The following YWHAQ variants were observed in gnomAD, a reference collection of about 807,000 sequenced individuals.
YWHAQ encodes the protein 14-3-3 protein theta.
Under a neutral mutation model 28.3 loss-of-function variants are expected in YWHAQ, and 6 were observed. The ratio of observed to expected loss-of-function variants is 0.21; its 90% CI spans 0.12 to 0.42. YWHAQ has a LOEUF of 0.42. Ranked by LOEUF, YWHAQ falls within the 10% of genes least tolerant of loss-of-function variation. YWHAQ has a pLI of 1.00. For synonymous variants in YWHAQ, 143 were observed against 119.1 expected (o/e 1.20, Z -1.31); for missense variants, 201 against 305.6 (o/e 0.66, Z 2.55).
intron 2 of YWHAQ, among the ~76,000 whole-genome samples, chr2:9,597,985 ATTTTTTTTT>A (rs547582835): frequency 0.012 from 738 of 62,502 alleles, 14 homozygotes; most frequent in African/African-American, 0.042. Context: ...ATGCCGGGCT[ATTTTTTTTT>A]TTTTTTTTTT....
chr2:9,629,235 G>T (rs1036146400), intron 2 of YWHAQ, among the ~76,000 whole-genome samples: 4 of 152,102 alleles, frequency 2.6e-5, no homozygotes, highest in African/African-American at 9.7e-5. Context: ...AACCATATGA[G>T]ATTATTTCCC....
chr2:9,593,147 A>G (rs564030011), intron 2 of YWHAQ, among the ~76,000 whole-genome samples: 36 of 152,284 alleles, frequency 2.4e-4, no homozygotes, highest in African/African-American at 8.2e-4. Flanking sequence ...CTGTTTATAA[A>G]TTTAAAAATA....
intron 2 of YWHAQ, among the ~76,000 whole-genome samples, chr2:9,616,789 C>T (rs1016308216): frequency 1.3e-5 from 2 of 152,132 alleles, no homozygotes; most frequent in Non-Finnish European, 2.9e-5. Flanking sequence ...ACAGCCACTT[C>T]GGAAAACAAT....
At position 9,593,898 on chromosome 2, in the gene YWHAQ, T is replaced by TAAAAAAA. The variant is rs151047530; in HGVS notation, c.295-2390_295-2384dup. ...AATTGAAAAAATATTTTAAATAGAT[T>TAAAAAAA]AAAAAAAATATATATATATATATAT... On this transcript the variant is annotated intron_variant, in intron 2 of 5. Transcript: ENST00000238081. Among the ~76,000 whole-genome samples the TAAAAAAA allele has an allele frequency of 4.9e-3, 589 of 121,372 alleles. 1 individual carries two copies. Among genetic ancestry groups the TAAAAAAA allele is most frequent in the Middle Eastern group, 0.017 (4 of 240 alleles). The allele number at this position is 121,372 out of a possible 152,430, so 79.6% of individuals were successfully genotyped here.
chr2:9,618,512 C>G (rs977544752), intron 2 of YWHAQ, among the ~76,000 whole-genome samples: 8 of 151,956 alleles, frequency 5.3e-5, no homozygotes, highest in African/African-American at 1.9e-4. Context: ...GTCTTTGTTT[C>G]ATTTTCTTTT....
intron 2 of YWHAQ, among the ~76,000 whole-genome samples, chr2:9,619,074 C>G (rs974314769): frequency 1.3e-5 from 2 of 152,070 alleles, no homozygotes; most frequent in African/African-American, 4.8e-5. Flanking sequence ...ACTCAACAGA[C>G]GTGGGGGCTA....
chr2:9,609,938 C>T (rs936899971), intron 2 of YWHAQ, among the ~76,000 whole-genome samples: 1 of 152,082 alleles, frequency 6.6e-6, no homozygotes, highest in Non-Finnish European at 1.5e-5. Context: ...TATTAACAGT[C>T]CAAAATAAGA....
At chr2:9,588,930 G>A (rs955421446) in intron 3 of YWHAQ, among the ~76,000 whole-genome samples, 67 of 152,010 alleles carry the variant, frequency 4.4e-4, no homozygotes, top group Admixed American at 3.9e-4. Flanking sequence ...GCAACACAGG[G>A]AGATCTTATC....
chr2:9,622,176 A>G (rs1273954819), intron 2 of YWHAQ, among the ~76,000 whole-genome samples: 5 of 150,638 alleles, frequency 3.3e-5, no homozygotes, highest in South Asian at 2.1e-4. Context: ...CCAGAACTTA[A>G]AGTATTAAAA....
At chr2:9,623,965 G>A (rs1165050202) in intron 2 of YWHAQ, among the ~76,000 whole-genome samples, 2 of 152,026 alleles carry the variant, frequency 1.3e-5, no homozygotes, top group Non-Finnish European at 2.9e-5. Flanking sequence ...TGAAGAAGTG[G>A]CACTTTGAAA....
intron 2 of YWHAQ, among the ~76,000 whole-genome samples, chr2:9,602,851 AAAAAAAAAAAAATATATATATATATAT>A (rs1454906014): frequency 1.6e-3 from 27 of 16,408 alleles, no homozygotes; most frequent in African/African-American, 5.6e-3. Context: ...AAAAAAAAAA[AAAAAAAAAAAAATATATATATATATAT>A]ATATATATAT....
intron 2 of YWHAQ, among the ~76,000 whole-genome samples, chr2:9,596,525 T>C (rs1666573601): frequency 6.6e-6 from 1 of 152,146 alleles, no homozygotes; most frequent in South Asian, 2.1e-4. Context: ...TTCTAAGAAG[T>C]TTCATTTTCC....
intron 2 of YWHAQ, among the ~76,000 whole-genome samples, chr2:9,594,977 C>T (rs1015196519): frequency 6.6e-6 from 1 of 152,154 alleles, no homozygotes; most frequent in Admixed American, 6.5e-5. Flanking sequence ...ATGAGCTAAC[C>T]TCTTCTTTCT....
intron 3 of YWHAQ, among the ~76,000 whole-genome samples, chr2:9,590,221 T>C (rs1462086679): frequency 6.6e-6 from 1 of 152,208 alleles, no homozygotes. Flanking sequence ...CAAATACTTC[T>C]CTTTGGCTTT....
chr2:9,597,889 G>A (rs1374741370), intron 2 of YWHAQ, among the ~76,000 whole-genome samples: 3 of 150,508 alleles, frequency 2.0e-5, no homozygotes, highest in Non-Finnish European at 4.4e-5. Context: ...GCATGATCTC[G>A]GCTCACCGCA....
At chr2:9,604,397 T>G (rs934413027) in intron 2 of YWHAQ, among the ~76,000 whole-genome samples, 2 of 152,182 alleles carry the variant, frequency 1.3e-5, no homozygotes, top group African/African-American at 4.8e-5. Context: ...TTTCACAGTA[T>G]TCACTATGAA....
chr2:9,626,481 G>C (rs1667248745), intron 2 of YWHAQ, among the ~76,000 whole-genome samples: 1 of 152,240 alleles, frequency 6.6e-6, no homozygotes, highest in African/African-American at 2.4e-5. Flanking sequence ...CCAGGCTGGA[G>C]TGCAGTGGCA....
rs1397521514 is a variant in YWHAQ at position 9,598,011 on chromosome 2, T to TTTTTTTTTTTTTG, written c.295-6497_295-6496insCAAAAAAAAAAAA. Among the ~76,000 whole-genome samples, 171 of 137,202 alleles carry TTTTTTTTTTTTTG rather than the reference T, an allele frequency of 1.2e-3. 4 individuals are homozygous for TTTTTTTTTTTTTG. The highest frequency in any genetic ancestry group is 2.0e-3 in the Non-Finnish European group (123 of 62,512). 90.0% of individuals were successfully genotyped at this position (137,202 alleles called of 152,430 possible). A position where few individuals can be genotyped will look rare whatever the true frequency, so the allele number is the denominator to read the frequency against. On this transcript the variant is annotated intron_variant, in intron 2 of 5. Coordinates refer to ENST00000238081, the MANE Select transcript of YWHAQ (RefSeq NM_006826.4). The stretch of plus-strand genomic sequence containing the variant: ...TTTTTTTTTTTTTTTTTTTTTTTTT[T>TTTTTTTTTTTTTG]TTAGTAGAGACAAGGTTTCTCCATG...
intron 2 of YWHAQ, among the ~76,000 whole-genome samples, chr2:9,608,249 AC>A (rs1229080905): frequency 6.6e-6 from 1 of 152,208 alleles, no homozygotes; most frequent in Non-Finnish European, 1.5e-5. Flanking sequence ...GAAAAAACAT[AC>A]AGTAGAGCTT....
Sources: gnomAD v4.1 joint callset for allele counts (sites outside exome capture counted in the v4.1 genomes callset) on GRCh38, gnomAD v4.1.1 for gene constraint, MANE v1.5 for transcripts, NCBI Gene and HGNC (gene_info 2026-07-23, HGNC 2026-07-21) for gene names.